Variants in UBE2Q1 observed in about 807,000 individuals in gnomAD.
UBE2Q1 encodes ubiquitin conjugating enzyme E2 Q1.
UBE2Q1 carries 6 observed loss-of-function variants against 60.1 expected under a neutral mutation model. That is an observed-to-expected ratio of 0.10 (90% CI 0.05 to 0.20). The LOEUF (loss-of-function observed/expected upper bound fraction) is 0.20, where lower values mean the gene tolerates loss of function less well. Ranked by LOEUF, UBE2Q1 falls within the 10% of genes least tolerant of loss-of-function variation. UBE2Q1 has a pLI of 1.00. For missense variants in UBE2Q1, 262 were observed against 525.8 expected (o/e 0.50, Z 4.91); for synonymous variants, 226 against 208.3 (o/e 1.09, Z -0.73).
chr1:154,555,163 A>C, intron 3 of UBE2Q1: 1 of 566,288 alleles, frequency 1.8e-6, no homozygotes. Context: ...TTGCTAAGAT[A>C]ATGGTAAAAA....
At chr1:154,552,341 A>G in intron 7 of UBE2Q1, 63 bp downstream of exon 7, 1 of 1,603,352 alleles carries the variant, frequency 6.2e-7, no homozygotes, top group South Asian at 1.1e-5. Flanking sequence ...TGGAGATCCC[A>G]CCACAGTAGC....
chr1:154,552,482 A>G lies in UBE2Q1; in HGVS notation c.815-18T>C, dbSNP rs374287641. 1.6e-5 allele frequency: 26 copies of G among 1,613,982 alleles called. No individual in the cohort carries two copies. In the African/African-American group the frequency reaches 2.9e-4, roughly 18 times the overall value. On this transcript the variant is annotated intron_variant, in intron 6 of 12. Transcript: ENST00000292211. ...ATAGTTTCCTGGAAGGAGGGAAAAA[A>G]CAGGTGTTAGTAGAATGGTCCAGGT...
rs892185130 is a variant in UBE2Q1, at chr1:154,555,654, G to A, written c.433-122C>T. On this transcript the variant is annotated intron_variant, in intron 2 of 12. Transcript: ENST00000292211. The stretch of plus-strand genomic sequence containing the variant: ...TAGTTCTCTAAGCCTTATGGGCCAC[G>A]TGGCTGTGGGAATGAGTCTCCTGAT... The A allele has an allele frequency of 4.2e-5, 42 of 1,009,892 alleles. No homozygotes were observed. In the East Asian group the frequency reaches 7.3e-4, roughly 18 times the overall value. 62.6% of individuals were successfully genotyped at this position (1,009,892 alleles called of 1,614,324 possible). A position where few individuals can be genotyped will look rare whatever the true frequency, so the allele number is the denominator to read the frequency against.
At position 154,553,021 on chromosome 1, in the gene UBE2Q1, A is replaced by G. The variant is rs769705435; in HGVS notation, c.729+11T>C. On this transcript the variant is annotated intron_variant, in intron 5 of 12. Coordinates refer to ENST00000292211, the MANE Select transcript of UBE2Q1 (RefSeq NM_017582.7). The stretch of plus-strand genomic sequence containing the variant: ...AACCCCTTCACCAGCCTCTCTCTAG[A>G]AGGCACGTACATTTAAGTAATCTTG... 8.7e-5 allele frequency: 141 copies of G among 1,613,578 alleles called. No individual in the cohort carries two copies. Among genetic ancestry groups the G allele is most frequent in the Non-Finnish European group, 1.1e-4 (128 of 1,179,910 alleles).
chr1:154,556,754 C>T (rs914213845), intron 1 of UBE2Q1, among the ~76,000 whole-genome samples: 7 of 152,188 alleles, frequency 4.6e-5, no homozygotes, highest in African/African-American at 1.7e-4. Flanking sequence ...TGGCTGAGGA[C>T]CCCCTAAATT....
intron 4 of UBE2Q1, chr1:154,553,505 C>T (rs1367711986): frequency 9.4e-6 from 2 of 212,776 alleles, no homozygotes; most frequent in Non-Finnish European, 1.9e-5. Context: ...GCAGCAGAAA[C>T]TCTTCCCTAA....
rs1695855431 is a variant in UBE2Q1, at chr1:154,554,861, G to A, written c.538-76C>T. 4.0e-6 allele frequency: 6 copies of A among 1,509,524 alleles called. No homozygotes were observed. In the South Asian group the frequency reaches 4.8e-5, roughly 12 times the overall value. 93.5% of individuals were successfully genotyped at this position (1,509,524 alleles called of 1,614,324 possible). A position where few individuals can be genotyped will look rare whatever the true frequency, so the allele number is the denominator to read the frequency against. On this transcript the variant is annotated intron_variant, in intron 3 of 12. Transcript: ENST00000292211. Reference sequence around the variant, plus strand: ...AATGCAGCCTCCAACCTACTCCCCTGAGCCCCCAGGTCTGGAAGTTGTGCG... The same window carrying A: ...AATGCAGCCTCCAACCTACTCCCCTAAGCCCCCAGGTCTGGAAGTTGTGCG...
chr1:154,552,016 C>G, intron 8 of UBE2Q1, 37 bp from the exon 9 acceptor site: 2 of 1,613,520 alleles, frequency 1.2e-6, no homozygotes, highest in Non-Finnish European at 8.5e-7. Context: ...GGGAGGGAGG[C>G]CAGCATCCTC....
chr1:154,550,265 G>GT lies in UBE2Q1; in HGVS notation c.*172dup, dbSNP rs1174500317. ...GAGTACTTGAAACAGTTCTGTGTTTGTTTTTTTTCCTTAGCGTTTAGAATA... is the reference window on the plus strand; with the variant it reads ...GAGTACTTGAAACAGTTCTGTGTTTGTTTTTTTTTCCTTAGCGTTTAGAATA... On this transcript the variant is annotated 3_prime_UTR_variant, in exon 13 of 13. Transcript: ENST00000292211. 192 of 908,794 alleles carry GT rather than the reference G, an allele frequency of 2.1e-4. No individual in the cohort carries two copies. Among genetic ancestry groups the GT allele is most frequent in the Non-Finnish European group, 2.7e-4 (155 of 584,368 alleles). The allele number at this position is 908,794 out of a possible 1,614,324, so 56.3% of individuals were successfully genotyped here. A position where few individuals can be genotyped will look rare whatever the true frequency, so the allele number is the denominator to read the frequency against.
chr1:154,552,877 T>TA, intron 5 of UBE2Q1, 57 bp from the exon 6 acceptor site: 1 of 1,605,156 alleles, frequency 6.2e-7, no homozygotes, highest in Non-Finnish European at 8.5e-7. Context: ...AAACACACGT[T>TA]AGACCTTAGG....
chr1:154,549,379 A>T lies in UBE2Q1; in HGVS notation c.*1059T>A, dbSNP rs531587191. 5 of 152,324 alleles carry T rather than the reference A, an allele frequency of 3.3e-5. No individual in the cohort carries two copies. Among genetic ancestry groups the T allele is most frequent in the African/African-American group, 1.2e-4 (5 of 41,566 alleles). 9.4% of individuals were successfully genotyped at this position (152,324 alleles called of 1,614,324 possible). A position where few individuals can be genotyped will look rare whatever the true frequency, so the allele number is the denominator to read the frequency against. On this transcript the variant is annotated 3_prime_UTR_variant, in exon 13 of 13. Transcript: ENST00000292211. The stretch of plus-strand genomic sequence containing the variant: ...GTGGGAGTGGCTTGAAAGAATCCAT[A>T]ATTTCCCAAGCCAAACAAATTCAGA...
Position 154,554,724 on chromosome 1 carries a change from G to C in UBE2Q1, c.588+11C>G, listed in dbSNP as rs765709004. 6.2e-7 allele frequency: 1 copy of C among 1,613,048 alleles called. No individual in the cohort carries two copies. Among genetic ancestry groups the C allele is most frequent in the African/African-American group, 1.3e-5 (1 of 74,992 alleles). On this transcript the variant is annotated intron_variant, in intron 4 of 12. Coordinates refer to ENST00000292211, the MANE Select transcript of UBE2Q1 (RefSeq NM_017582.7). ...GCTTCCAGCCAATGCCACCTCAGGGGGCAAGCCTACCTCAGGCATCTCCTC... is the reference window on the plus strand; with the variant it reads ...GCTTCCAGCCAATGCCACCTCAGGGCGCAAGCCTACCTCAGGCATCTCCTC...
chr1:154,555,634 C>T lies in UBE2Q1; in HGVS notation c.433-102G>A. The stretch of plus-strand genomic sequence containing the variant: ...TTGGGCCCCACACCAATAACTAGTT[C>T]TCTAAGCCTTATGGGCCACGTGGCT... On this transcript the variant is annotated intron_variant, in intron 2 of 12. Transcript: ENST00000292211. 4.3e-6 allele frequency: 5 copies of T among 1,175,900 alleles called. No homozygotes were observed. The South Asian group carries it at 5.1e-5, about 12-fold the overall frequency. The allele number at this position is 1,175,900 out of a possible 1,614,324, so 72.8% of individuals were successfully genotyped here. A position where few individuals can be genotyped will look rare whatever the true frequency, so the allele number is the denominator to read the frequency against.
chr1:154,550,286 G>T lies in UBE2Q1; in HGVS notation c.*152C>A. 2 of 1,043,648 alleles carry T rather than the reference G, an allele frequency of 1.9e-6. No homozygotes were observed. The highest frequency in any genetic ancestry group is 3.1e-5 in the South Asian group (2 of 64,540). 64.6% of individuals were successfully genotyped at this position (1,043,648 alleles called of 1,614,324 possible). On this transcript the variant is annotated 3_prime_UTR_variant, in exon 13 of 13. Transcript: ENST00000292211. ...GTTTGTTTTTTTTCCTTAGCGTTTA[G>T]AATAGCCATCATTGTCCTGCAATAG... is the stretch of plus-strand genomic sequence containing the variant.
At position 154,555,443 on chromosome 1, in the gene UBE2Q1, G is replaced by A; in HGVS notation, c.522C>T (p.Pro174=). 1 of 1,614,046 alleles carries A rather than the reference G, an allele frequency of 6.2e-7. No individual in the cohort carries two copies. The highest frequency in any genetic ancestry group is 2.2e-5 in the East Asian group (1 of 44,878). Residue 174 remains proline, a synonymous_variant, in exon 3 of 13, where the codon CCC becomes CCT. Transcript: ENST00000292211. ...QHPDVEMLDQ[P]LPAEQCTQED... Reference sequence around the variant, plus strand: ...AGCTGCTCACCTGCTCTGCTGGCAAGGGTTGATCCAGCATCTCCACATCTG... The same window carrying A: ...AGCTGCTCACCTGCTCTGCTGGCAAAGGTTGATCCAGCATCTCCACATCTG...
At chr1:154,553,312 G>A (rs886712935) in intron 4 of UBE2Q1, 140 bp from the exon 5 acceptor site, 3 of 1,098,032 alleles carry the variant, frequency 2.7e-6, no homozygotes, top group Non-Finnish European at 3.8e-6. Context: ...TCTTATAAAC[G>A]CAACGTGCTT....
At chr1:154,555,798 G>A in intron 2 of UBE2Q1, 62 bp downstream of exon 2, 1 of 1,452,072 alleles carries the variant, frequency 6.9e-7, no homozygotes. Flanking sequence ...CCTTTCACAG[G>A]ATGCCTTTGT....
chr1:154,551,956 T>C lies in UBE2Q1; in HGVS notation c.990A>G (p.Pro330=), dbSNP rs2149361517. 1 of 1,613,548 alleles carries C rather than the reference T, an allele frequency of 6.2e-7. No individual in the cohort carries two copies. The highest frequency in any genetic ancestry group is 8.5e-7 in the Non-Finnish European group (1 of 1,179,904). ...SFKDNFPFDP[P]FVRVVSPVLS... is the part of the protein sequence containing the mutation. ...GGACTGGAGACACAACCCTGACAAA[T>C]GGTGGGTCAAAGGGAAAGTTATCCT... is the stretch of plus-strand genomic sequence containing the variant. Residue 330 remains proline, a synonymous_variant, in exon 9 of 13, where the codon CCA becomes CCG. Transcript: ENST00000292211.
rs1695741030 is a variant in UBE2Q1, at chr1:154,548,699, G to A, written c.*1739C>T. Reference sequence around the variant, plus strand: ...AAACACAATCTACATTCCAGCCAGGGCTGGTGGTAAGTTCAGAAGAAAGCC... The same window carrying A: ...AAACACAATCTACATTCCAGCCAGGACTGGTGGTAAGTTCAGAAGAAAGCC... On this transcript the variant is annotated 3_prime_UTR_variant, in exon 13 of 13. Coordinates refer to ENST00000292211, the MANE Select transcript of UBE2Q1 (RefSeq NM_017582.7). 1 of 152,626 alleles carries A rather than the reference G, an allele frequency of 6.6e-6. No individual in the cohort carries two copies. The highest frequency in any genetic ancestry group is 2.4e-5 in the African/African-American group (1 of 41,432). The allele number at this position is 152,626 out of a possible 1,614,324, so 9.5% of individuals were successfully genotyped here.
Sources: allele counts gnomAD v4.1 joint callset (sites outside exome capture counted in the v4.1 genomes callset), GRCh38; gene constraint gnomAD v4.1.1; transcripts MANE v1.5; gene names NCBI Gene and HGNC (gene_info 2026-07-23, HGNC 2026-07-21).